SNX25: variants seen among roughly 807,000 people sequenced by gnomAD.
The protein encoded by SNX25 is sorting nexin 25, also known as sorting nexin-25.
Under a neutral mutation model 113.7 loss-of-function variants are expected in SNX25, and 62 were observed. The observed-to-expected ratio is 0.55, with a 90% CI of 0.44 to 0.67. The LOEUF (loss-of-function observed/expected upper bound fraction) is 0.67. Among genes scored for constraint, SNX25 ranks in the 30% least tolerant of loss-of-function variants. The pLI is 0.00. For missense variants in SNX25, 1,014 were observed against 1,161.0 expected (o/e 0.87, Z 1.84); for synonymous variants, 421 against 436.2 (o/e 0.97, Z 0.43).
At chr4:185,312,140 C>T (rs1185054961) in intron 7 of SNX25, among the ~76,000 whole-genome samples, 1 of 152,084 alleles carries the variant, frequency 6.6e-6, no homozygotes, top group Non-Finnish European at 1.5e-5. Flanking sequence ...TAGATGAGGT[C>T]TTTGTCTTAT....
chr4:185,271,081 C>T (rs1183071689), intron 5 of SNX25, among the ~76,000 whole-genome samples: 1 of 152,138 alleles, frequency 6.6e-6, no homozygotes, highest in Admixed American at 6.5e-5. Context: ...CCACAGCGTA[C>T]CCACCGCTGC....
intron 6 of SNX25, among the ~76,000 whole-genome samples, chr4:185,299,061 G>A (rs1050025175): frequency 1.3e-5 from 2 of 152,224 alleles, no homozygotes; most frequent in African/African-American, 4.8e-5. Context: ...GTGTGTTCAG[G>A]ATTTAGCAGT....
rs1467100786 is a variant in SNX25 at position 185,327,300 on chromosome 4, T to C, written c.1749+3500T>C. Reference sequence around the variant, plus strand: ...CCATGTCTCCTGGGCCTTCCCTAGCTGCAAAGCAGGCAGGTTGTACAGCTA... The same window carrying C: ...CCATGTCTCCTGGGCCTTCCCTAGCCGCAAAGCAGGCAGGTTGTACAGCTA... On this transcript the variant is annotated intron_variant, in intron 9 of 18. Coordinates refer to ENST00000652585, the MANE Select transcript of SNX25 (RefSeq NM_001378034.2). 2.6e-5 allele frequency among the ~76,000 whole-genome samples: 4 copies of C among 152,226 alleles called. No homozygotes were observed. In the East Asian group the frequency reaches 7.7e-4, roughly 29 times the overall value.
In SNX25 at chr4:185,323,782, T is replaced by C; in HGVS notation, c.1731T>C (p.Ile577=). 5 of 1,613,160 alleles carry C rather than the reference T, an allele frequency of 3.1e-6. No homozygotes were observed. The highest frequency in any genetic ancestry group is 4.2e-6 in the Non-Finnish European group (5 of 1,179,746). ...KEEEKHASQM[I]SNKDEMGPRD... is the part of the protein sequence containing the mutation. ...AAGAAAAACATGCCTCACAGATGAT[T>C]TCCAACAAGGATGAGATGGTGAGTC... The change falls in exon 9 of 19, where the codon ATT becomes ATC. Residue 577 remains isoleucine, a synonymous_variant. Transcript: ENST00000652585.
At chr4:185,374,324 A>G (rs1183279878), downstream of SNX25, 2 of 1,613,928 alleles carry the variant, frequency 1.2e-6, no homozygotes, top group Non-Finnish European at 1.7e-6. Context: ...ATTACCTTTC[A>G]GCTTCCTCAT....
At chr4:185,254,914 T>C (rs1028606928) in intron 2 of SNX25, among the ~76,000 whole-genome samples, 2 of 152,146 alleles carry the variant, frequency 1.3e-5, no homozygotes, top group African/African-American at 2.4e-5. Context: ...ATTAATTGTA[T>C]TGTTTCTGTA....
intron 1 of SNX25, among the ~76,000 whole-genome samples, chr4:185,231,618 G>A (rs1383023704): frequency 6.6e-6 from 1 of 151,756 alleles, no homozygotes; most frequent in South Asian, 2.1e-4. Context: ...GGCTGAGGCA[G>A]GAGAATGGCG....
chr4:185,306,969 A>G (rs1415762362), intron 6 of SNX25, among the ~76,000 whole-genome samples: 1 of 152,250 alleles, frequency 6.6e-6, no homozygotes, highest in Non-Finnish European at 1.5e-5. Context: ...ACACAAGTTC[A>G]GAAACCATTA....
intron 1 of SNX25, among the ~76,000 whole-genome samples, chr4:185,225,338 A>C (rs1426458238): frequency 6.6e-6 from 1 of 152,042 alleles, no homozygotes; most frequent in Non-Finnish European, 1.5e-5. Flanking sequence ...GTTAGCCAGT[A>C]TGGTCTCGAT....
chr4:185,338,416 T>C (rs2095243191), intron 10 of SNX25, among the ~76,000 whole-genome samples: 1 of 151,802 alleles, frequency 6.6e-6, no homozygotes, highest in Admixed American at 6.6e-5. Flanking sequence ...ACTGGGATTA[T>C]AGGCGCCGCC....
At chr4:185,239,312 T>A (rs1469530099) in intron 1 of SNX25, among the ~76,000 whole-genome samples, 1 of 151,776 alleles carries the variant, frequency 6.6e-6, no homozygotes, top group Admixed American at 6.6e-5. Context: ...TGAAACTCCG[T>A]CTCTACTAAA....
intron 15 of SNX25, among the ~76,000 whole-genome samples, chr4:185,354,926 G>A (rs149017878): frequency 3.5e-4 from 54 of 152,328 alleles, no homozygotes; most frequent in African/African-American, 1.3e-3. Context: ...AGTGGCACCA[G>A]CCAGCCAAAT....
chr4:185,371,350 T>G (rs112861423), downstream of SNX25, among the ~76,000 whole-genome samples: 4 of 151,890 alleles, frequency 2.6e-5, no homozygotes, highest in Non-Finnish European at 5.9e-5. Context: ...CCATCCTGGC[T>G]AACATGGTGA....
intron 1 of SNX25, among the ~76,000 whole-genome samples, chr4:185,228,739 GA>G (rs1741379742): frequency 6.6e-6 from 1 of 152,000 alleles, no homozygotes; most frequent in African/African-American, 2.4e-5. Flanking sequence ...AAAAGGTTTG[GA>G]AAAAACATCA....
chr4:185,310,074 A>T (rs992322428), intron 6 of SNX25, among the ~76,000 whole-genome samples: 1 of 152,180 alleles, frequency 6.6e-6, no homozygotes, highest in Non-Finnish European at 1.5e-5. Context: ...CTCATTATTC[A>T]TGTTTGTTTA....
At chr4:185,276,760 A>G (rs975906967) in intron 5 of SNX25, among the ~76,000 whole-genome samples, 2 of 152,170 alleles carry the variant, frequency 1.3e-5, no homozygotes, top group Non-Finnish European at 2.9e-5. Flanking sequence ...CTCCTTGACC[A>G]TGCTTTCCCC....
intron 6 of SNX25, among the ~76,000 whole-genome samples, chr4:185,303,491 C>T (rs955931738): frequency 4.0e-5 from 6 of 151,858 alleles, no homozygotes. Context: ...AACCCCGTCT[C>T]TACTAAAAAT....
At position 185,258,942 on chromosome 4, in the gene SNX25, T is replaced by C; in HGVS notation, c.609T>C (p.Phe203=). 2 of 1,614,052 alleles carry C rather than the reference T, an allele frequency of 1.2e-6. No individual in the cohort carries two copies. Among genetic ancestry groups the C allele is most frequent in the Non-Finnish European group, 1.7e-6 (2 of 1,180,026 alleles). The change falls in exon 3 of 19, where the codon TTT becomes TTC. Residue 203 remains phenylalanine (F), a synonymous_variant. Coordinates refer to ENST00000652585, the MANE Select transcript of SNX25 (RefSeq NM_001378034.2). Reference sequence around the variant, plus strand: ...TTTACCATCTGCTCTTGGAAGACTTTTGGGAAATTGCCAGACAGCTGCACC... The same window carrying C: ...TTTACCATCTGCTCTTGGAAGACTTCTGGGAAATTGCCAGACAGCTGCACC... ...GQLYHLLLED[F]WEIARQLHHR...
intron 9 of SNX25, among the ~76,000 whole-genome samples, chr4:185,328,623 G>A (rs1331547390): frequency 1.3e-5 from 2 of 152,162 alleles, no homozygotes; most frequent in East Asian, 1.9e-4. Context: ...TTATATAAAT[G>A]TCATGCCAAG....
Sources: allele counts gnomAD v4.1 joint callset (sites outside exome capture counted in the v4.1 genomes callset), GRCh38; gene constraint gnomAD v4.1.1; transcripts MANE v1.5; gene names NCBI Gene and HGNC (gene_info 2026-07-23, HGNC 2026-07-21).